Variants in IQCM observed in about 807,000 individuals in gnomAD.
IQCM encodes the protein IQ domain-containing protein M.
A neutral mutation model predicts 57.6 loss-of-function variants in IQCM; 45 were observed. The observed-to-expected ratio is 0.78, with a 90% CI of 0.62 to 1.00. IQCM has a LOEUF of 1.00. Among genes scored for constraint, IQCM ranks in the 50% least tolerant of loss-of-function variants. IQCM has a pLI of 0.00. For missense variants in IQCM, 468 were observed against 511.6 expected (o/e 0.91, Z 0.82); for synonymous variants, 148 against 158.9 (o/e 0.93, Z 0.51).
At position 149,489,871 on chromosome 4, in the gene IQCM, A is replaced by C. The variant is rs1741908523; in HGVS notation, c.1229-56314T>G. Among the ~76,000 whole-genome samples, 4 of 151,940 alleles carry C rather than the reference A, an allele frequency of 2.6e-5. 1 individual carries two copies. The South Asian group carries it at 8.3e-4, about 31-fold the overall frequency. On this transcript the variant is annotated intron_variant, in intron 12 of 13. Transcript: ENST00000636793. ...CTATTGAAATTCTCCTAAGCACAAT[A>C]AATATATTATTGAGAAGTTGTCTAG... is the stretch of plus-strand genomic sequence containing the variant.
At chr4:149,429,179 G>C (rs954669374) in intron 13 of IQCM, among the ~76,000 whole-genome samples, 1 of 151,630 alleles carries the variant, frequency 6.6e-6, no homozygotes, top group Non-Finnish European at 1.5e-5. Context: ...AAAGCTTAAC[G>C]AAGGAGAGAA....
intron 12 of IQCM, among the ~76,000 whole-genome samples, chr4:149,444,913 A>C (rs1004012183): frequency 6.6e-6 from 1 of 151,938 alleles, no homozygotes; most frequent in Non-Finnish European, 1.5e-5. Flanking sequence ...AAGATGGTTG[A>C]CTTTGACTAC....
intron 7 of IQCM, among the ~76,000 whole-genome samples, chr4:149,657,112 C>G (rs937702658): frequency 1.3e-5 from 2 of 152,092 alleles, no homozygotes; most frequent in Non-Finnish European, 2.9e-5. Context: ...AACTTAACTC[C>G]TCCTATCTCA....
intron 12 of IQCM, among the ~76,000 whole-genome samples, chr4:149,514,084 A>AAGAGG (rs1383253061): frequency 1.3e-5 from 2 of 152,100 alleles, no homozygotes; most frequent in Non-Finnish European, 2.9e-5. Context: ...AAGAGAAGAG[A>AAGAGG]AGAATGTAAA....
chr4:149,458,729 T>C (rs1737962088), intron 12 of IQCM, among the ~76,000 whole-genome samples: 1 of 152,146 alleles, frequency 6.6e-6, no homozygotes, highest in South Asian at 2.1e-4. Flanking sequence ...ATTCAGAATT[T>C]AGTATTTTGG....
chr4:149,406,613 T>C (rs1732996840), intron 13 of IQCM, among the ~76,000 whole-genome samples: 1 of 152,132 alleles, frequency 6.6e-6, no homozygotes, highest in Admixed American at 6.6e-5. Flanking sequence ...AAAAAATACA[T>C]GTCTTTAAGC....
At chr4:149,693,102 C>G (rs1763061152) in intron 5 of IQCM, among the ~76,000 whole-genome samples, 1 of 152,180 alleles carries the variant, frequency 6.6e-6, no homozygotes, top group African/African-American at 2.4e-5. Context: ...TGGAATTATT[C>G]ATTCACCTGA....
At chr4:149,568,145 A>G (rs1374136455) in intron 9 of IQCM, among the ~76,000 whole-genome samples, 2 of 152,114 alleles carry the variant, frequency 1.3e-5, no homozygotes, top group Non-Finnish European at 2.9e-5. Context: ...GAGTGTCATC[A>G]TCTAGACATG....
chr4:149,464,986 G>A (rs569652784), intron 12 of IQCM, among the ~76,000 whole-genome samples: 6 of 152,194 alleles, frequency 3.9e-5, no homozygotes, highest in African/African-American at 1.4e-4. Context: ...ACATAGACCT[G>A]CAAAGAGAAG....
intron 7 of IQCM, among the ~76,000 whole-genome samples, chr4:149,678,836 G>A (rs1302745492): frequency 1.3e-5 from 2 of 151,520 alleles, no homozygotes; most frequent in East Asian, 3.9e-4. Context: ...AATGAAGTAT[G>A]ATATTACCCC....
chr4:149,690,787 C>T (rs945114334), intron 5 of IQCM: 5 of 152,026 alleles, frequency 3.3e-5, no homozygotes, highest in Non-Finnish European at 7.4e-5. Flanking sequence ...CTCATGTAAG[C>T]TTCAACAGTT....
At chr4:149,550,627 G>C (rs1748938436) in intron 11 of IQCM, among the ~76,000 whole-genome samples, 1 of 152,100 alleles carries the variant, frequency 6.6e-6, no homozygotes, top group South Asian at 2.1e-4. Flanking sequence ...AGTATTCAAG[G>C]ATGATATATT....
intron 6 of IQCM, among the ~76,000 whole-genome samples, chr4:149,684,061 C>G (rs976324982): frequency 1.6e-4 from 24 of 151,328 alleles, no homozygotes; most frequent in African/African-American, 5.5e-4. Context: ...ATAATATCAA[C>G]TAAAAATTAG....
chr4:149,663,284 C>A (rs1328178071), intron 7 of IQCM, among the ~76,000 whole-genome samples: 1 of 151,430 alleles, frequency 6.6e-6, no homozygotes, highest in East Asian at 1.9e-4. Context: ...TTTTTTTAAC[C>A]ATTTTTACTT....
rs138674037 is a variant in IQCM at position 149,658,037 on chromosome 4, T to G, written c.565+24081A>C. Among the ~76,000 whole-genome samples, 564 of 148,752 alleles carry G rather than the reference T, an allele frequency of 3.8e-3. 5 individuals are homozygous for G. The highest frequency in any genetic ancestry group is 0.013 in the African/African-American group (516 of 39,252). Reference sequence around the variant, plus strand: ...TTCAATTTGATGTAATCATATTTGGTTTTTTTTTGCTTTTGTTCCCTGTGC... The same window carrying G: ...TTCAATTTGATGTAATCATATTTGGGTTTTTTTTGCTTTTGTTCCCTGTGC... On this transcript the variant is annotated intron_variant, in intron 7 of 13. Coordinates refer to ENST00000636793, the MANE Select transcript of IQCM (RefSeq NM_001363507.2).
chr4:149,578,705 T>A (rs1478726975), intron 9 of IQCM, among the ~76,000 whole-genome samples: 1 of 151,832 alleles, frequency 6.6e-6, no homozygotes, highest in Non-Finnish European at 1.5e-5. Context: ...TAAATGAATG[T>A]CCACAATTCA....
At chr4:149,479,914 A>C (rs1472752183) in intron 12 of IQCM, among the ~76,000 whole-genome samples, 1 of 152,242 alleles carries the variant, frequency 6.6e-6, no homozygotes, top group Admixed American at 6.5e-5. Flanking sequence ...CCAGACCTTT[A>C]GTAGAAACTG....
intron 12 of IQCM, among the ~76,000 whole-genome samples, chr4:149,487,318 C>T (rs1741626422): frequency 6.6e-6 from 1 of 152,072 alleles, no homozygotes; most frequent in Non-Finnish European, 1.5e-5. Context: ...AAGACAAAGC[C>T]CTCTTTACTC....
intron 13 of IQCM, among the ~76,000 whole-genome samples, chr4:149,393,032 G>T (rs1441190686): frequency 1.3e-5 from 2 of 151,724 alleles, no homozygotes; most frequent in African/African-American, 4.8e-5. Context: ...AAACATAGCT[G>T]GGCACAGTGG....
Sources: allele counts gnomAD v4.1 joint callset (sites outside exome capture counted in the v4.1 genomes callset), GRCh38; gene constraint gnomAD v4.1.1; transcripts MANE v1.5; gene names NCBI Gene and HGNC (gene_info 2026-07-23, HGNC 2026-07-21).